Variants in POFUT3 observed in about 807,000 individuals in gnomAD.
POFUT3 encodes the protein GDP-fucose protein O-fucosyltransferase 3.
the POFUT3 span, among the ~76,000 whole-genome samples, chr8:33,409,911 TA>T: frequency 0.014 from 2,114 of 146,572 alleles, 57 homozygotes; most frequent in African/African-American, 0.05. Flanking sequence ...CCTCAAAAAA[TA>T]AAAAAAAAAC....
chr8:33,470,837 C>T, the POFUT3 span, among the ~76,000 whole-genome samples: 4 of 152,168 alleles, frequency 2.6e-5, no homozygotes, highest in African/African-American at 9.6e-5. Context: ...AGGTTCCATC[C>T]CAAAACTAAG....
At chr8:33,318,815 A>T in the POFUT3 span, among the ~76,000 whole-genome samples, 24 of 33,516 alleles carry the variant, frequency 7.2e-4, 3 homozygotes, top group East Asian at 6.3e-3. Context: ...TATATATATT[A>T]TATATATATA....
the POFUT3 span, among the ~76,000 whole-genome samples, chr8:33,335,882 G>A: frequency 4.6e-5 from 7 of 152,168 alleles, no homozygotes; most frequent in African/African-American, 1.7e-4. Flanking sequence ...AGGCTGAAGA[G>A]GAGGAGGAAT....
the POFUT3 span, among the ~76,000 whole-genome samples, chr8:33,388,317 A>T: frequency 2.7e-5 from 4 of 146,634 alleles, no homozygotes; most frequent in East Asian, 8.5e-4. Flanking sequence ...GACCATGTGG[A>T]TAAGCAGAAC....
the POFUT3 span, among the ~76,000 whole-genome samples, chr8:33,361,948 T>A: frequency 1.3e-5 from 2 of 151,962 alleles, no homozygotes; most frequent in Admixed American, 1.3e-4. Context: ...TTAAGAGCAG[T>A]CCCAAGACAC....
chr8:33,423,240 C>T, the POFUT3 span, among the ~76,000 whole-genome samples: 5 of 151,574 alleles, frequency 3.3e-5, no homozygotes, highest in Non-Finnish European at 2.9e-5. Flanking sequence ...AAGTTTGTAT[C>T]CTTGATATTA....
At chr8:33,337,164 T>C in the POFUT3 span, among the ~76,000 whole-genome samples, 1 of 151,104 alleles carries the variant, frequency 6.6e-6, no homozygotes, top group Non-Finnish European at 1.5e-5. Context: ...ACTCCCCACC[T>C]AAAGGGAAAA....
chr8:33,451,396 ATATACATGTGTACATG>A, the POFUT3 span, among the ~76,000 whole-genome samples: 1 of 152,052 alleles, frequency 6.6e-6, no homozygotes, highest in East Asian at 1.9e-4. Flanking sequence ...GTATGTATGT[ATATACATGTGTACATG>A]TATACATGTG....
the POFUT3 span, among the ~76,000 whole-genome samples, chr8:33,471,704 G>T: frequency 1.3e-5 from 2 of 151,994 alleles, no homozygotes; most frequent in Non-Finnish European, 2.9e-5. Context: ...CAAAAATATT[G>T]TTTGTAAGAT....
At chr8:33,367,398 C>A in the POFUT3 span, among the ~76,000 whole-genome samples, 1 of 152,184 alleles carries the variant, frequency 6.6e-6, no homozygotes, top group Non-Finnish European at 1.5e-5. Context: ...CCTTCGTTTC[C>A]CGTAAGGAAT....
chr8:33,348,934 G>A, the POFUT3 span, among the ~76,000 whole-genome samples: 6 of 152,060 alleles, frequency 3.9e-5, no homozygotes, highest in South Asian at 2.1e-4. Flanking sequence ...AGAGTGTTTC[G>A]TTTATATGAG....
the POFUT3 span, among the ~76,000 whole-genome samples, chr8:33,330,355 A>T: frequency 6.6e-6 from 1 of 152,140 alleles, no homozygotes; most frequent in Non-Finnish European, 1.5e-5. Flanking sequence ...GAGGCAGGAG[A>T]ATCACTTGAA....
the POFUT3 span, among the ~76,000 whole-genome samples, chr8:33,312,692 T>C: frequency 6.6e-6 from 1 of 152,124 alleles, no homozygotes; most frequent in Non-Finnish European, 1.5e-5. Flanking sequence ...ATGTTTTCAT[T>C]TTAGAGTTCA....
chr8:33,316,809 C>T, the POFUT3 span, among the ~76,000 whole-genome samples: 1 of 151,842 alleles, frequency 6.6e-6, no homozygotes, highest in Admixed American at 6.6e-5. Flanking sequence ...CAAGGTGACA[C>T]AGATTAAAGT....
chr8:33,423,168 G>A, the POFUT3 span, among the ~76,000 whole-genome samples: 2 of 152,004 alleles, frequency 1.3e-5, no homozygotes, highest in African/African-American at 4.8e-5. Flanking sequence ...TCCAGGAGCA[G>A]AGATCCTATT....
At chr8:33,378,292 C>G in the POFUT3 span, among the ~76,000 whole-genome samples, 1 of 152,304 alleles carries the variant, frequency 6.6e-6, no homozygotes, top group East Asian at 1.9e-4. Flanking sequence ...AACGCTTCTG[C>G]TCCCAGATCC....
the POFUT3 span, among the ~76,000 whole-genome samples, chr8:33,355,762 C>T: frequency 5.7e-3 from 868 of 151,972 alleles, 10 homozygotes; most frequent in African/African-American, 0.02. Context: ...TGCTGGTGTG[C>T]TGCACCCATT....
chr8:33,320,574 T>C, the POFUT3 span, among the ~76,000 whole-genome samples: 1 of 152,130 alleles, frequency 6.6e-6, no homozygotes, highest in Non-Finnish European at 1.5e-5. Context: ...TGGGGTTACT[T>C]CAGCCAAGCT....
At chr8:33,426,703 T>C in the POFUT3 span, among the ~76,000 whole-genome samples, 1 of 152,214 alleles carries the variant, frequency 6.6e-6, no homozygotes, top group African/African-American at 2.4e-5. Flanking sequence ...TCCCAGGTCC[T>C]ACCTCCCTCC....
Sources: gnomAD v4.1 joint callset for allele counts (sites outside exome capture counted in the v4.1 genomes callset) on GRCh38, gnomAD v4.1.1 for gene constraint, MANE v1.5 for transcripts, NCBI Gene and HGNC (gene_info 2026-07-23, HGNC 2026-07-21) for gene names.